BCAP31: variants seen among roughly 807,000 people sequenced by gnomAD.
BCAP31 encodes the protein B-cell receptor-associated protein 31.
For synonymous variants in BCAP31, 75 were observed against 80.9 expected, an observed-to-expected ratio of 0.93 and a Z score of 0.39; for missense variants, 124 against 193.0, an observed-to-expected ratio of 0.64 and a Z score of 2.12.
intron 2 of BCAP31, chrX:153,721,296 C>T (rs1032687308): frequency 2.5e-5 from 4 of 160,149 alleles, no homozygotes; most frequent in Non-Finnish European, 3.5e-5. Context: ...ATTAGCCAGG[C>T]GTGGTGGTGG....
At chrX:153,703,581 G>T (rs1156391671) in intron 5 of BCAP31, among the ~76,000 whole-genome samples, 3 of 113,090 alleles carry the variant, frequency 2.7e-5, no homozygotes, top group African/African-American at 9.6e-5. Context: ...AGCACTGAGG[G>T]ATGCCACAGA....
chrX:153,708,711 G>A (rs2091570515), intron 4 of BCAP31, among the ~76,000 whole-genome samples: 1 of 112,847 alleles, frequency 8.9e-6, no homozygotes, highest in African/African-American at 3.2e-5. Context: ...TAACACCAGG[G>A]CTTCCACTGC....
chrX:153,709,667 G>A (rs1224719554), intron 4 of BCAP31, among the ~76,000 whole-genome samples: 4 of 112,784 alleles, frequency 3.5e-5, no homozygotes, highest in Admixed American at 9.3e-5. Flanking sequence ...CGATGGACCC[G>A]CCTTCACAAA....
chrX:153,711,769 G>A (rs1478660512), intron 4 of BCAP31, among the ~76,000 whole-genome samples: 1 of 110,599 alleles, frequency 9.0e-6, no homozygotes, highest in Non-Finnish European at 1.9e-5. Context: ...GCCAGGCGTG[G>A]TGGCATGTGC....
intron 3 of BCAP31, among the ~76,000 whole-genome samples, chrX:153,720,456 G>A (rs868921183): frequency 1.9e-5 from 2 of 105,669 alleles, no homozygotes; most frequent in East Asian, 2.9e-4. Context: ...CCTCTGCCTC[G>A]TGGGTTCAAG....
At chrX:153,718,317 C>CAAAAAAAAAAA (rs60097594) in intron 3 of BCAP31, among the ~76,000 whole-genome samples, 1 of 30,505 alleles carries the variant, frequency 3.3e-5, no homozygotes, top group African/African-American at 1.0e-4. Flanking sequence ...GATTCCATCT[C>CAAAAAAAAAAA]AAAAAAAAAA....
At chrX:153,706,883 C>T (rs2091558561) in intron 4 of BCAP31, among the ~76,000 whole-genome samples, 1 of 112,191 alleles carries the variant, frequency 8.9e-6, no homozygotes, top group African/African-American at 3.2e-5. Context: ...CGCCTCCTCC[C>T]TATCTGCTGC....
At chrX:153,704,611 C>T (rs1307902324) in intron 4 of BCAP31, among the ~76,000 whole-genome samples, 2 of 112,104 alleles carry the variant, frequency 1.8e-5, no homozygotes, top group Non-Finnish European at 3.8e-5. Context: ...AATCAATGTA[C>T]CCAAGGCCAA....
chrX:153,713,153 G>T (rs1305965128), intron 4 of BCAP31, among the ~76,000 whole-genome samples: 2 of 111,204 alleles, frequency 1.8e-5, no homozygotes, highest in African/African-American at 6.5e-5. Context: ...CTTGCAGTGA[G>T]CCGAGATCGA....
At chrX:153,724,144 C>A (rs2091690636) in intron 1 of BCAP31, 190 bp downstream of exon 1, 1 of 257,283 alleles carries the variant, frequency 3.9e-6, no homozygotes, top group Admixed American at 4.9e-5. Flanking sequence ...CCCCGCCCCG[C>A]CCCCGAGACC....
In BCAP31 at chrX:153,715,591, G is replaced by A. The variant is rs2091621351; in HGVS notation, c.292C>T (p.Arg98Cys). The change falls in exon 4 of 8, where the codon CGT becomes TGT. Residue 98 changes from arginine (R) to cysteine (C), a missense_variant. By Grantham distance (180) the Arg-to-Cys change is radical. Transcript: ENST00000345046. ...AMEHFHMKLF[R>C]AQRNLYIAGF... is the part of the protein sequence containing the mutation. Reference sequence around the variant, plus strand: ...GCAATGTAGAGATTCCTCTGGGCACGGAAAAGCTTCATGTGGAAGTGCTCC... The same window carrying A: ...GCAATGTAGAGATTCCTCTGGGCACAGAAAAGCTTCATGTGGAAGTGCTCC... 2.5e-6 allele frequency: 3 copies of A among 1,211,453 alleles called. No homozygotes were observed. The highest frequency in any genetic ancestry group is 3.4e-6 in the Non-Finnish European group (3 of 895,277).
chrX:153,702,499 G>A (rs1316262839), intron 6 of BCAP31: 1 of 179,512 alleles, frequency 5.6e-6, no homozygotes, highest in Non-Finnish European at 1.0e-5. Context: ...GTGGTATTGG[G>A]GGAAAACGCC....
At chrX:153,717,578 T>C (rs1557050325) in intron 3 of BCAP31, among the ~76,000 whole-genome samples, 1 of 112,280 alleles carries the variant, frequency 8.9e-6, no homozygotes, top group Non-Finnish European at 1.9e-5. Context: ...CACACTCAGT[T>C]AATTTTTTCT....
intron 4 of BCAP31, among the ~76,000 whole-genome samples, chrX:153,707,632 C>T (rs1323650628): frequency 3.6e-5 from 4 of 112,130 alleles, no homozygotes; most frequent in Non-Finnish European, 7.5e-5. Context: ...GTCTCAGACC[C>T]GTTCTGATGG....
chrX:153,703,914 T>C (rs781993547), intron 5 of BCAP31, 45 bp downstream of exon 5: 15 of 1,198,520 alleles, frequency 1.3e-5, no homozygotes, highest in African/African-American at 3.5e-5. Flanking sequence ...GCTCCCACAG[T>C]GTAACACCAG....
chrX:153,721,919 C>CA (rs1393794236), intron 2 of BCAP31, among the ~76,000 whole-genome samples: 1 of 110,257 alleles, frequency 9.1e-6, no homozygotes, highest in African/African-American at 3.3e-5. Context: ...CAAAAACAAA[C>CA]AAAAAAACCA....
intron 2 of BCAP31, among the ~76,000 whole-genome samples, chrX:153,722,734 C>T (rs1175663615): frequency 1.8e-5 from 2 of 111,780 alleles, no homozygotes; most frequent in African/African-American, 6.5e-5. Context: ...GTTCATGCAG[C>T]CACTGCGCAA....
At chrX:153,702,169 A>G in intron 6 of BCAP31, 62 bp from the exon 7 acceptor site, 1 of 986,579 alleles carries the variant, frequency 1.0e-6, no homozygotes, top group Non-Finnish European at 1.4e-6. Context: ...GGGGGAAAAA[A>G]CCCGACTGCT....
chrX:153,701,478 C>A (rs1557047322), intron 7 of BCAP31, among the ~76,000 whole-genome samples: 2 of 112,857 alleles, frequency 1.8e-5, no homozygotes, highest in East Asian at 5.6e-4. Context: ...GGCCCTCACT[C>A]CCAACGTCAA....
Sources: allele counts gnomAD v4.1 joint callset (sites outside exome capture counted in the v4.1 genomes callset), GRCh38; gene constraint gnomAD v4.1.1; transcripts MANE v1.5; gene names NCBI Gene and HGNC (gene_info 2026-07-23, HGNC 2026-07-21).